SGK3: variants seen among roughly 807,000 people sequenced by gnomAD.
SGK3 encodes serum/glucocorticoid regulated kinase family member 3, also known as serine/threonine-protein kinase Sgk3.
Under a neutral mutation model 68.5 loss-of-function variants are expected in SGK3, and 47 were observed. The ratio of observed to expected loss-of-function variants is 0.69; its 90% CI spans 0.54 to 0.87. The LOEUF (loss-of-function observed/expected upper bound fraction) is 0.87. Among genes scored for constraint, SGK3 ranks in the 40% least tolerant of loss-of-function variants. SGK3 has a pLI of 0.00. For missense variants in SGK3, 479 were observed against 575.5 expected (o/e 0.83, Z 1.72); for synonymous variants, 181 against 189.1 (o/e 0.96, Z 0.35).
intron 4 of SGK3, among the ~76,000 whole-genome samples, chr8:66,808,697 A>G (rs1161686009): frequency 6.6e-6 from 1 of 151,712 alleles, no homozygotes; most frequent in Non-Finnish European, 1.5e-5. Flanking sequence ...TTTTTAGTAG[A>G]GATGAGGTTT....
At chr8:66,799,646 G>A (rs1270453311) in intron 3 of SGK3, among the ~76,000 whole-genome samples, 1 of 152,166 alleles carries the variant, frequency 6.6e-6, no homozygotes, top group East Asian at 1.9e-4. Context: ...ATTTGAGAGA[G>A]GGTCTTGCGC....
intron 1 of SGK3, among the ~76,000 whole-genome samples, chr8:66,759,009 A>G (rs1217437212): frequency 6.6e-6 from 1 of 151,698 alleles, no homozygotes; most frequent in Non-Finnish European, 1.5e-5. Context: ...TGGGTTCCTT[A>G]TGTTTTCCTA....
intron 1 of SGK3, among the ~76,000 whole-genome samples, chr8:66,728,652 CCTG>C (rs1805048895): frequency 6.6e-6 from 1 of 152,042 alleles, no homozygotes; most frequent in Admixed American, 6.6e-5. Flanking sequence ...TGAAAAATAT[CCTG>C]CTGTTGGGAT....
chr8:66,726,707 G>A (rs1804993057), intron 1 of SGK3, among the ~76,000 whole-genome samples: 1 of 151,328 alleles, frequency 6.6e-6, no homozygotes, highest in Admixed American at 6.6e-5. Context: ...AAGCTGAGGC[G>A]GGAGGATCGC....
intron 3 of SGK3, among the ~76,000 whole-genome samples, chr8:66,804,165 C>A (rs1479271425): frequency 6.6e-6 from 1 of 151,924 alleles, no homozygotes; most frequent in East Asian, 1.9e-4. Context: ...CTAGGTCACA[C>A]GATACTAGGT....
intron 4 of SGK3, among the ~76,000 whole-genome samples, chr8:66,810,992 C>T (rs1250044139): frequency 6.6e-6 from 1 of 152,056 alleles, no homozygotes; most frequent in African/African-American, 2.4e-5. Context: ...TAATAGGATG[C>T]ACCCAGAGGA....
In SGK3 at chr8:66,861,396, CTA is replaced by C. The variant is rs1810741012; in HGVS notation, c.*1817_*1818del. 1 of 151,938 alleles carries C rather than the reference CTA, an allele frequency of 6.6e-6. No homozygotes were observed. Among genetic ancestry groups the C allele is most frequent in the East Asian group, 1.9e-4 (1 of 5,184 alleles). The allele number at this position is 151,938 out of a possible 1,614,324, so 9.4% of individuals were successfully genotyped here. A position where few individuals can be genotyped will look rare whatever the true frequency, so the allele number is the denominator to read the frequency against. On this transcript the variant is annotated 3_prime_UTR_variant, in exon 17 of 17. Coordinates refer to ENST00000521198, the MANE Select transcript of SGK3 (RefSeq NM_001033578.3). ...GCCAAGGCAGGAGGATCACTTGAGCCTATGAGTTCAAGACCAGCCTAGGCAAT... is the reference window on the plus strand; with the variant it reads ...GCCAAGGCAGGAGGATCACTTGAGCCTGAGTTCAAGACCAGCCTAGGCAAT...
intron 2 of SGK3, among the ~76,000 whole-genome samples, chr8:66,795,503 A>C (rs528650591): frequency 6.6e-6 from 1 of 151,878 alleles, no homozygotes; most frequent in East Asian, 1.9e-4. Flanking sequence ...CCCTCTCCTT[A>C]TTTTTGCCTT....
At position 66,749,584 on chromosome 8, in the gene SGK3, C is replaced by T. The variant is rs150367192; in HGVS notation, c.-122+36751C>T. ...CTTAATTTCTGAATTTCATATGAAA[C>T]GTGATTTGCTTTTCTTTGAATTTAA... On this transcript the variant is annotated intron_variant, in intron 1 of 16. Transcript: ENST00000521198. Among the ~76,000 whole-genome samples the T allele has an allele frequency of 9.2e-5, 14 of 152,036 alleles. No individual in the cohort carries two copies. The East Asian group carries it at 1.2e-3, about 13-fold the overall frequency.
chr8:66,722,813 T>A (rs1196133524), intron 1 of SGK3, among the ~76,000 whole-genome samples: 1 of 152,092 alleles, frequency 6.6e-6, no homozygotes, highest in Non-Finnish European at 1.5e-5. Context: ...AAGCTTGCAA[T>A]CATTGCAGAA....
intron 1 of SGK3, among the ~76,000 whole-genome samples, chr8:66,744,600 C>T (rs1396754284): frequency 2.1e-5 from 3 of 141,018 alleles, no homozygotes; most frequent in Non-Finnish European, 4.6e-5. Context: ...CTCTGCCTCC[C>T]GGGTTCAAGC....
At chr8:66,764,524 G>A (rs1806261052) in intron 1 of SGK3, among the ~76,000 whole-genome samples, 1 of 152,180 alleles carries the variant, frequency 6.6e-6, no homozygotes, top group Non-Finnish European at 1.5e-5. Context: ...AGGCTGGAGT[G>A]TATTGGTCTG....
At chr8:66,725,177 C>G (rs748331783) in intron 1 of SGK3, among the ~76,000 whole-genome samples, 1 of 151,914 alleles carries the variant, frequency 6.6e-6, no homozygotes, top group Non-Finnish European at 1.5e-5. Flanking sequence ...TGCAGTGAGC[C>G]GAGATCGTGA....
At chr8:66,768,875 T>C (rs1159286769) in intron 1 of SGK3, among the ~76,000 whole-genome samples, 2 of 152,306 alleles carry the variant, frequency 1.3e-5, no homozygotes, top group South Asian at 4.1e-4. Flanking sequence ...GCCCAGCCAC[T>C]TGTACTATTT....
At chr8:66,740,645 A>G (rs1475938401) in intron 1 of SGK3, among the ~76,000 whole-genome samples, 2 of 152,112 alleles carry the variant, frequency 1.3e-5, no homozygotes, top group African/African-American at 4.8e-5. Context: ...AGTGGCTTAC[A>G]CCTGTAATCC....
At position 66,784,875 on chromosome 8, in the gene SGK3, G is replaced by A. The variant is rs575428417; in HGVS notation, c.-121-8741G>A. Among the ~76,000 whole-genome samples the A allele has an allele frequency of 1.0e-3, 158 of 152,142 alleles. No individual in the cohort carries two copies. In the Middle Eastern group the frequency reaches 0.017, roughly 16 times the overall value. On this transcript the variant is annotated intron_variant, in intron 1 of 16. Transcript: ENST00000521198. ...TATGGATGCTTTTTTAAAAAAAGAT[G>A]AACTTTCCCCCACCTTTTTAAAAAA...
rs147390690 is a variant in SGK3 at position 66,829,722 on chromosome 8, T to C, written c.467+1019T>C. Among the ~76,000 whole-genome samples the C allele has an allele frequency of 3.1e-3, 473 of 152,240 alleles. 3 individuals are homozygous for C. The highest frequency in any genetic ancestry group is 3.6e-3 in the Non-Finnish European group (243 of 68,006). ...GAGAACTAGAGGAGAGGACAGCGGG[T>C]AGAGACAACGAGTTTACAAAACTTA... On this transcript the variant is annotated intron_variant, in intron 7 of 16. Transcript: ENST00000521198.
chr8:66,739,811 A>G (rs973691165), intron 1 of SGK3, among the ~76,000 whole-genome samples: 1 of 152,240 alleles, frequency 6.6e-6, no homozygotes, highest in African/African-American at 2.4e-5. Flanking sequence ...GTCCTTCTTC[A>G]CATGGCATCA....
chr8:66,814,825 A>T (rs925923583), intron 5 of SGK3, among the ~76,000 whole-genome samples: 2 of 152,188 alleles, frequency 1.3e-5, no homozygotes, highest in African/African-American at 4.8e-5. Context: ...ACATTGGTAG[A>T]TATATGGTTT....
Sources: gnomAD v4.1 joint callset for allele counts (sites outside exome capture counted in the v4.1 genomes callset) on GRCh38, gnomAD v4.1.1 for gene constraint, MANE v1.5 for transcripts, NCBI Gene and HGNC (gene_info 2026-07-23, HGNC 2026-07-21) for gene names.